Variants in PIEZO1 observed in about 807,000 individuals in gnomAD.
PIEZO1 encodes the protein piezo-type mechanosensitive ion channel component 1.
Under a neutral mutation model 297.2 loss-of-function variants are expected in PIEZO1, and 296 were observed. The observed-to-expected ratio is 1.00, with a 90% CI of 0.91 to 1.10. The LOEUF (loss-of-function observed/expected upper bound fraction) is 1.10, where lower values mean the gene tolerates loss of function less well. Ranked by LOEUF, PIEZO1 falls within the 50% of genes least tolerant of loss-of-function variation. The pLI, the probability that PIEZO1 is intolerant of heterozygous loss-of-function variation, is 0.00. For missense variants in PIEZO1, 5,018 were observed against 3,455.5 expected, an observed-to-expected ratio of 1.45 and a Z score of -11.34; for synonymous variants, 2,427 against 1,507.5, an observed-to-expected ratio of 1.61 and a Z score of -14.13.
intron 22 of PIEZO1, among the ~76,000 whole-genome samples, chr16:88,728,330 A>G (rs1904601682): frequency 6.6e-6 from 1 of 152,220 alleles, no homozygotes. Context: ...ATGTGACTCC[A>G]CGCATCTGCG....
At chr16:88,737,252 G>A (rs1905281219) in intron 10 of PIEZO1, 1 of 353,064 alleles carries the variant, frequency 2.8e-6, no homozygotes, top group Non-Finnish European at 5.3e-6. Context: ...GCACAAGACA[G>A]CATAGCCACA....
intron 2 of PIEZO1, among the ~76,000 whole-genome samples, chr16:88,744,617 C>CT (rs1905918205): frequency 6.6e-6 from 1 of 150,548 alleles, no homozygotes. Context: ...CTGGCTACAT[C>CT]TCGGATGTCA....
intron 16 of PIEZO1, 43 bp from the exon 17 acceptor site, chr16:88,734,097 G>A (rs746494364): frequency 1.4e-5 from 20 of 1,472,678 alleles, no homozygotes; most frequent in Non-Finnish European, 1.8e-5. Context: ...CTGGGTTCCT[G>A]CCCCTCATTT....
rs1355646792 is a variant in PIEZO1, at chr16:88,722,598, G to A, written c.4760C>T (p.Pro1587Leu). ...LPGPTEAPNA[P>L]STVSSGLGAE... ...CCGCACCTACCTGGACACGGTGCTTGGGGCATTGGGGGCCTCGGTGGGGCC... is the reference window on the plus strand; with the variant it reads ...CCGCACCTACCTGGACACGGTGCTTAGGGCATTGGGGGCCTCGGTGGGGCC... Residue 1587 changes from proline (P) to leucine (L), a missense_variant, in exon 35 of 51, where the codon CCA becomes CTA. By Grantham distance (98) the Pro-to-Leu change is moderately conservative. Coordinates refer to ENST00000301015, the MANE Select transcript of PIEZO1 (RefSeq NM_001142864.4). 1.3e-6 allele frequency: 2 copies of A among 1,536,264 alleles called. No individual in the cohort carries two copies. Among genetic ancestry groups the A allele is most frequent in the Non-Finnish European group, 8.7e-7 (1 of 1,144,322 alleles).
chr16:88,718,276 C>T (rs960059399), intron 44 of PIEZO1: 5 of 153,048 alleles, frequency 3.3e-5, no homozygotes, highest in East Asian at 1.9e-4. Context: ...ACCGCAACCT[C>T]GTGTTGGTGG....
rs1367614332 is a variant in PIEZO1, at chr16:88,725,283, G to T, written c.4162+133C>A. 4.3e-6 allele frequency: 3 copies of T among 700,256 alleles called. No individual in the cohort carries two copies. In the East Asian group the frequency reaches 8.7e-5, roughly 20 times the overall value. The allele number at this position is 700,256 out of a possible 1,614,324, so 43.4% of individuals were successfully genotyped here. ...GCGGCCATGGGGCCTGCCAGACAGA[G>T]GGTGATCATGCGGACAGGACAGGCG... On this transcript the variant is annotated intron_variant, in intron 29 of 50. Transcript: ENST00000301015.
In PIEZO1 at chr16:88,727,204, A is replaced by G. The variant is rs575136082; in HGVS notation, c.3302-12T>C. 1.2e-5 allele frequency: 18 copies of G among 1,525,994 alleles called. No individual in the cohort carries two copies. In the South Asian group the frequency reaches 1.7e-4, roughly 14 times the overall value. 94.5% of individuals were successfully genotyped at this position (1,525,994 alleles called of 1,614,324 possible). ...CAGGAGAAAGTCGCCTGCAGGACAC[A>G]GGAGCCGCCGCTGTGCCACACGGGG... On this transcript the variant is annotated splice_polypyrimidine_tract_variant and intron_variant, in intron 23 of 50. Transcript: ENST00000301015.
rs146505418 is a variant in PIEZO1, at chr16:88,735,213, G to A, written c.1591C>T (p.Arg531Cys). Residue 531 changes from arginine (R) to cysteine (C), a missense_variant, in exon 13 of 51, where the codon CGC becomes TGC. Arg to Cys is a radical substitution (Grantham distance 180). Transcript: ENST00000301015. ...AGCAGCTTCTCTTTCACAAACTGGC[G>A]CAGCAGGAGCCAGAAGGTCAGGGTG... is the stretch of plus-strand genomic sequence containing the variant. ...LYTLTFWLLLRQFVKEKLLKW... is the reference protein window; with the variant it reads ...LYTLTFWLLLCQFVKEKLLKW... The A allele has an allele frequency of 8.6e-4, 1,336 of 1,550,318 alleles. 2 individuals carry two copies. Among genetic ancestry groups the A allele is most frequent in the Non-Finnish European group, 1.1e-3 (1,260 of 1,146,832 alleles).
chr16:88,726,672 G>GCGGGGCCAT, intron 25 of PIEZO1, 29 bp from the exon 26 acceptor site: 1 of 1,546,508 alleles, frequency 6.5e-7, no homozygotes, highest in Non-Finnish European at 8.7e-7. Context: ...AGCGGGGCCA[G>GCGGGGCCAT]CGGGGCCCCA....
chr16:88,719,786 G>C lies in PIEZO1; in HGVS notation c.6323+16C>G, dbSNP rs540000404. 1.9e-6 allele frequency: 3 copies of C among 1,550,270 alleles called. No homozygotes were observed. The highest frequency in any genetic ancestry group is 2.6e-6 in the Non-Finnish European group (3 of 1,146,880). ...TGCCCGGGCCGTGACCCCCACCCCGGCGGACCTGCACTCACCCCTGGAAGA... is the reference window on the plus strand; with the variant it reads ...TGCCCGGGCCGTGACCCCCACCCCGCCGGACCTGCACTCACCCCTGGAAGA... On this transcript the variant is annotated intron_variant, in intron 43 of 50. Transcript: ENST00000301015.
intron 1 of PIEZO1, among the ~76,000 whole-genome samples, chr16:88,754,141 C>A (rs1387685696): frequency 3.3e-5 from 5 of 152,192 alleles, no homozygotes; most frequent in Non-Finnish European, 7.4e-5. Flanking sequence ...ACATCCAGCT[C>A]CTTGGGAAGC....
intron 1 of PIEZO1, among the ~76,000 whole-genome samples, chr16:88,778,737 C>T (rs1393859670): frequency 6.6e-6 from 1 of 152,184 alleles, no homozygotes; most frequent in African/African-American, 2.4e-5. Flanking sequence ...GAAACATGAA[C>T]GTGAGCAAAA....
intron 22 of PIEZO1, among the ~76,000 whole-genome samples, chr16:88,729,404 A>T (rs1427638886): frequency 3.4e-5 from 3 of 87,988 alleles, no homozygotes; most frequent in African/African-American, 1.2e-4. Flanking sequence ...TCGCGACCCA[A>T]AAACAAAGTG....
At chr16:88,764,796 G>A (rs965893157) in intron 1 of PIEZO1, among the ~76,000 whole-genome samples, 1 of 150,940 alleles carries the variant, frequency 6.6e-6, no homozygotes, top group African/African-American at 2.4e-5. Context: ...CCCTGCCACG[G>A]CCTGCCTTTG....
At chr16:88,759,709 A>G (rs1906837473) in intron 1 of PIEZO1, among the ~76,000 whole-genome samples, 2 of 152,306 alleles carry the variant, frequency 1.3e-5, no homozygotes, top group African/African-American at 2.4e-5. Flanking sequence ...GACGGATCCC[A>G]CTTTTATGGA....
intron 2 of PIEZO1, chr16:88,744,318 CAG>C (rs1905896846): frequency 6.6e-6 from 1 of 152,532 alleles, no homozygotes; most frequent in African/African-American, 2.4e-5. Context: ...ACTGGGCACT[CAG>C]GGAGAGCACG....
At position 88,742,282 on chromosome 16, in the gene PIEZO1, G is replaced by A. The variant is rs778988929; in HGVS notation, c.283+18C>T. The A allele has an allele frequency of 1.6e-4, 240 of 1,526,716 alleles. 1 individual carries two copies. The highest frequency in any genetic ancestry group is 1.7e-4 in the Non-Finnish European group (199 of 1,141,252). The allele number at this position is 1,526,716 out of a possible 1,614,324, so 94.6% of individuals were successfully genotyped here. A position where few individuals can be genotyped will look rare whatever the true frequency, so the allele number is the denominator to read the frequency against. ...CCCCCAGGATGGCTATCCCTACCCC[G>A]CCCCCTCAGCGACTCACAGCTGGGT... On this transcript the variant is annotated intron_variant, in intron 3 of 50. Transcript: ENST00000301015.
At chr16:88,774,609 G>T (rs184215992) in intron 1 of PIEZO1, among the ~76,000 whole-genome samples, 146 of 152,308 alleles carry the variant, frequency 9.6e-4, no homozygotes, top group African/African-American at 3.2e-3. Context: ...TCTGAGTGGG[G>T]GTCCCAGGAA....
At chr16:88,769,205 T>C (rs533692058) in intron 1 of PIEZO1, among the ~76,000 whole-genome samples, 6 of 152,336 alleles carry the variant, frequency 3.9e-5, no homozygotes, top group African/African-American at 1.4e-4. Flanking sequence ...ACACATACCC[T>C]AAAGGCAGTC....
Sources: allele counts gnomAD v4.1 joint callset (sites outside exome capture counted in the v4.1 genomes callset), GRCh38; gene constraint gnomAD v4.1.1; transcripts MANE v1.5; gene names NCBI Gene and HGNC (gene_info 2026-07-23, HGNC 2026-07-21).